The following TMEM132D variants were observed in gnomAD, a reference collection of about 807,000 sequenced individuals.
TMEM132D encodes transmembrane protein 132D, also known as mature OL transmembrane protein.
TMEM132D carries 21 observed loss-of-function variants against 62.3 expected under a neutral mutation model. That is an observed-to-expected ratio of 0.34 (90% CI 0.24 to 0.49). The LOEUF is 0.49. TMEM132D is among the 20% of genes least tolerant of loss of function. The pLI is 0.99. For synonymous variants in TMEM132D, 621 were observed against 575.6 expected, an observed-to-expected ratio of 1.08 and a Z score of -1.13; for missense variants, 1,346 against 1,402.8, an observed-to-expected ratio of 0.96 and a Z score of 0.65.
intron 5 of TMEM132D, among the ~76,000 whole-genome samples, chr12:129,099,951 A>C (rs1253990208): frequency 7.2e-6 from 1 of 139,228 alleles, no homozygotes; most frequent in African/African-American, 3.1e-5. Flanking sequence ...TCAGCCTCCC[A>C]AGTAGCTGGG....
At chr12:129,378,393 A>T (rs1870845101) in intron 3 of TMEM132D, among the ~76,000 whole-genome samples, 1 of 152,202 alleles carries the variant, frequency 6.6e-6, no homozygotes. Flanking sequence ...GCACTCTTGA[A>T]ACTAATTGAA....
At chr12:129,788,049 C>T (rs983802869) in intron 1 of TMEM132D, among the ~76,000 whole-genome samples, 7 of 152,182 alleles carry the variant, frequency 4.6e-5, no homozygotes, top group Non-Finnish European at 8.8e-5. Context: ...CCCAACCACT[C>T]GGGGCACAGG....
intron 1 of TMEM132D, among the ~76,000 whole-genome samples, chr12:129,808,858 G>A (rs1351382858): frequency 6.6e-6 from 1 of 151,896 alleles, no homozygotes; most frequent in Non-Finnish European, 1.5e-5. Flanking sequence ...TAGAGAATAT[G>A]TTTTTCAGTG....
intron 2 of TMEM132D, among the ~76,000 whole-genome samples, chr12:129,546,523 G>A (rs1876740915): frequency 6.6e-6 from 1 of 152,156 alleles, no homozygotes; most frequent in Admixed American, 6.5e-5. Flanking sequence ...CAAGCAAGGA[G>A]AGGATCCATT....
chr12:129,547,165 C>G (rs1020214838), intron 2 of TMEM132D, among the ~76,000 whole-genome samples: 1 of 152,180 alleles, frequency 6.6e-6, no homozygotes, highest in Non-Finnish European at 1.5e-5. Flanking sequence ...TCACCCGGGG[C>G]AGCATCACCC....
chr12:129,868,925 T>C (rs1234277322), intron 1 of TMEM132D, among the ~76,000 whole-genome samples: 1 of 152,108 alleles, frequency 6.6e-6, no homozygotes, highest in Admixed American at 6.5e-5. Context: ...CAGCTTCGCA[T>C]AACAGACTCA....
At chr12:129,727,781 G>C (rs1241411867) in intron 1 of TMEM132D, among the ~76,000 whole-genome samples, 5 of 151,936 alleles carry the variant, frequency 3.3e-5, no homozygotes, top group Non-Finnish European at 7.4e-5. Flanking sequence ...GGTATCACTG[G>C]AAGAAAATGT....
At chr12:129,648,165 C>T (rs1477410669) in intron 2 of TMEM132D, among the ~76,000 whole-genome samples, 2 of 152,130 alleles carry the variant, frequency 1.3e-5, no homozygotes, top group African/African-American at 4.8e-5. Flanking sequence ...TCACTATTGA[C>T]AAACCTGAGA....
At chr12:129,211,798 C>T (rs538301094) in intron 4 of TMEM132D, among the ~76,000 whole-genome samples, 127 of 152,294 alleles carry the variant, frequency 8.3e-4, no homozygotes, top group African/African-American at 3.0e-3. Context: ...TGTGGGTTCC[C>T]AGCCTGATTT....
At chr12:129,100,890 G>A (rs1875283787) in intron 5 of TMEM132D, among the ~76,000 whole-genome samples, 1 of 152,196 alleles carries the variant, frequency 6.6e-6, no homozygotes, top group Non-Finnish European at 1.5e-5. Flanking sequence ...CTGGGGGGAG[G>A]CACTGAGGAA....
chr12:129,896,846 CT>C (rs1258178288), intron 1 of TMEM132D, among the ~76,000 whole-genome samples: 2 of 152,136 alleles, frequency 1.3e-5, no homozygotes, highest in Non-Finnish European at 2.9e-5. Context: ...GGAGAAGTGG[CT>C]ATTTGAATTC....
intron 3 of TMEM132D, among the ~76,000 whole-genome samples, chr12:129,384,578 G>T (rs866536969): frequency 6.6e-6 from 1 of 151,566 alleles, no homozygotes; most frequent in South Asian, 2.1e-4. Context: ...AACCACGTTC[G>T]CATTATTTTA....
intron 2 of TMEM132D, among the ~76,000 whole-genome samples, chr12:129,687,592 C>G (rs961995950): frequency 6.6e-6 from 1 of 151,990 alleles, no homozygotes; most frequent in Non-Finnish European, 1.5e-5. Context: ...TAAGCTTGCC[C>G]AGAGGACATT....
At chr12:129,469,216 T>A (rs997756474) in intron 3 of TMEM132D, among the ~76,000 whole-genome samples, 4 of 152,206 alleles carry the variant, frequency 2.6e-5, no homozygotes, top group Non-Finnish European at 5.9e-5. Context: ...GGAGCAGCCC[T>A]TTACTCACTC....
At chr12:129,231,404 T>C (rs918024747) in intron 4 of TMEM132D, among the ~76,000 whole-genome samples, 4 of 152,224 alleles carry the variant, frequency 2.6e-5, no homozygotes, top group African/African-American at 9.6e-5. Context: ...GGCTTTACAT[T>C]TCCTGGCTGG....
chr12:129,282,750 G>A (rs762833360), intron 4 of TMEM132D, among the ~76,000 whole-genome samples: 1 of 152,132 alleles, frequency 6.6e-6, no homozygotes, highest in Non-Finnish European at 1.5e-5. Context: ...CTGAGATGAC[G>A]GTTGTACCCA....
intron 1 of TMEM132D, among the ~76,000 whole-genome samples, chr12:129,805,222 C>G (rs1193010128): frequency 6.6e-6 from 1 of 151,942 alleles, no homozygotes; most frequent in Non-Finnish European, 1.5e-5. Context: ...AAAAAAGAGC[C>G]CGCATCACCA....
At chr12:129,472,114 A>C (rs972849402) in intron 3 of TMEM132D, among the ~76,000 whole-genome samples, 7 of 152,246 alleles carry the variant, frequency 4.6e-5, no homozygotes, top group African/African-American at 1.7e-4. Context: ...TGAACTACAG[A>C]TTTGCCATGG....
chr12:129,701,493 C>T (rs1299098796), intron 1 of TMEM132D, among the ~76,000 whole-genome samples: 2 of 152,164 alleles, frequency 1.3e-5, no homozygotes, highest in Non-Finnish European at 2.9e-5. Flanking sequence ...CTAAGAAGCA[C>T]GGGAAGGGCA....
Sources: allele counts gnomAD v4.1 joint callset (sites outside exome capture counted in the v4.1 genomes callset), GRCh38; gene constraint gnomAD v4.1.1; transcripts MANE v1.5; gene names NCBI Gene and HGNC (gene_info 2026-07-23, HGNC 2026-07-21).